Variants in FMN2 observed in about 807,000 individuals in gnomAD.
The protein encoded by FMN2 is formin-2.
Under a neutral mutation model 142.3 loss-of-function variants are expected in FMN2, and 51 were observed. The observed-to-expected ratio is 0.36, with a 90% confidence interval of 0.29 to 0.45. FMN2 has a LOEUF of 0.45. Ranked by LOEUF, FMN2 falls within the 20% of genes least tolerant of loss-of-function variation. The probability of loss-of-function intolerance (pLI) is 1.00; values close to 1 mark genes in which losing one functional copy is unlikely to be tolerated. For synonymous variants in FMN2, 882 were observed against 869.8 expected (o/e 1.01, Z -0.25); for missense variants, 1,936 against 2,122.8 (o/e 0.91, Z 1.73).
chr1:240,305,881 C>A (rs542970580), intron 8 of FMN2, among the ~76,000 whole-genome samples: 2 of 151,718 alleles, frequency 1.3e-5, no homozygotes, highest in South Asian at 2.1e-4. Flanking sequence ...GGATATAAAC[C>A]ATTATAAGGT....
intron 6 of FMN2, among the ~76,000 whole-genome samples, chr1:240,248,458 T>TATATATATAA (rs913505236): frequency 1.5e-5 from 2 of 133,558 alleles, no homozygotes; most frequent in African/African-American, 5.6e-5. Context: ...TATATATATA[T>TATATATATAA]AACATACATG....
intron 16 of FMN2, among the ~76,000 whole-genome samples, chr1:240,442,664 G>A (rs1245854860): frequency 6.6e-6 from 1 of 152,168 alleles, no homozygotes; most frequent in South Asian, 2.1e-4. Context: ...TTTAAATCCT[G>A]TATTAATCTT....
intron 13 of FMN2, among the ~76,000 whole-genome samples, chr1:240,341,901 G>A (rs756146970): frequency 1.3e-5 from 2 of 152,176 alleles, no homozygotes; most frequent in Non-Finnish European, 2.9e-5. Flanking sequence ...GCATAGAGTT[G>A]CATGTGGGCT....
chr1:240,283,902 C>T (rs544819453), intron 7 of FMN2, among the ~76,000 whole-genome samples: 24 of 152,226 alleles, frequency 1.6e-4, no homozygotes, highest in East Asian at 3.9e-4. Flanking sequence ...GAAACTGATC[C>T]GGTCAGTGAG....
intron 1 of FMN2, among the ~76,000 whole-genome samples, chr1:240,107,775 T>TA: frequency 6.6e-6 from 1 of 152,318 alleles, no homozygotes; most frequent in East Asian, 1.9e-4. Context: ...CCCTTGATGC[T>TA]AGTCAAATTG....
intron 7 of FMN2, among the ~76,000 whole-genome samples, chr1:240,270,653 A>G (rs1023830626): frequency 4.6e-5 from 7 of 152,120 alleles, no homozygotes; most frequent in Non-Finnish European, 8.8e-5. Flanking sequence ...ACAATGAAAT[A>G]CAATTAAAAA....
intron 2 of FMN2, among the ~76,000 whole-genome samples, chr1:240,150,828 C>T (rs1663734229): frequency 6.6e-6 from 1 of 152,106 alleles, no homozygotes; most frequent in Non-Finnish European, 1.5e-5. Context: ...CTCTGAAATG[C>T]CTGCTCTTAA....
intron 6 of FMN2, among the ~76,000 whole-genome samples, chr1:240,236,691 A>G (rs1225548488): frequency 1.3e-5 from 2 of 152,160 alleles, no homozygotes; most frequent in African/African-American, 4.8e-5. Context: ...CCTCTTTTTA[A>G]CAATCACATC....
chr1:240,260,531 G>T (rs1202661554), intron 7 of FMN2, among the ~76,000 whole-genome samples: 1 of 151,826 alleles, frequency 6.6e-6, no homozygotes, highest in Non-Finnish European at 1.5e-5. Flanking sequence ...TTTCATGTTT[G>T]TTGGCCATTT....
In FMN2 at chr1:240,466,417, A is replaced by T. The variant is rs147976195; in HGVS notation, c.5061-5955A>T. On this transcript the variant is annotated intron_variant, in intron 16 of 17. Coordinates refer to ENST00000319653, the MANE Select transcript of FMN2 (RefSeq NM_020066.5). ...TTACATTTACAACTTTATTTTTGGA[A>T]AATAAATTTATTATAAAGATTTTTT... Among the ~76,000 whole-genome samples, 134 of 152,292 alleles carry T rather than the reference A, an allele frequency of 8.8e-4. 2 individuals are homozygous for T. In the Middle Eastern group the frequency reaches 0.014, roughly 15 times the overall value.
chr1:240,337,788 A>T (rs1216660819), intron 13 of FMN2, among the ~76,000 whole-genome samples: 1 of 152,226 alleles, frequency 6.6e-6, no homozygotes, highest in Non-Finnish European at 1.5e-5. Context: ...TATGGCTCAG[A>T]CATTTTAATG....
chr1:240,136,795 T>C (rs114136203), intron 2 of FMN2, among the ~76,000 whole-genome samples: 1 of 152,046 alleles, frequency 6.6e-6, no homozygotes, highest in Non-Finnish European at 1.5e-5. Flanking sequence ...GAATCTGGCC[T>C]GGTGCGGTGG....
chr1:240,432,966 C>A (rs1675227174), intron 15 of FMN2, among the ~76,000 whole-genome samples: 1 of 152,108 alleles, frequency 6.6e-6, no homozygotes, highest in Non-Finnish European at 1.5e-5. Context: ...TCTACAGATG[C>A]CAACTGGGTC....
chr1:240,335,239 C>A (rs1671518212), intron 13 of FMN2, among the ~76,000 whole-genome samples: 1 of 152,172 alleles, frequency 6.6e-6, no homozygotes, highest in South Asian at 2.1e-4. Flanking sequence ...GTTACAGTAA[C>A]CGCTGTTGAA....
At position 240,474,319 on chromosome 1, in the gene FMN2, T is replaced by A; in HGVS notation, c.*165T>A. 1 of 609,856 alleles carries A rather than the reference T, an allele frequency of 1.6e-6. No homozygotes were observed. Among genetic ancestry groups the A allele is most frequent in the Non-Finnish European group, 2.7e-6 (1 of 370,504 alleles). 37.8% of individuals were successfully genotyped at this position (609,856 alleles called of 1,614,324 possible). A position where few individuals can be genotyped will look rare whatever the true frequency, so the allele number is the denominator to read the frequency against. ...GTTCACTAATTGTTGAATTTTACTGTATATTCATATAAAAATGCAAACGTA... is the reference window on the plus strand; with the variant it reads ...GTTCACTAATTGTTGAATTTTACTGAATATTCATATAAAAATGCAAACGTA... On this transcript the variant is annotated 3_prime_UTR_variant, in exon 18 of 18. Transcript: ENST00000319653.
chr1:240,379,971 C>T (rs1387095705), intron 14 of FMN2, among the ~76,000 whole-genome samples: 1 of 151,858 alleles, frequency 6.6e-6, no homozygotes, highest in African/African-American at 2.4e-5. Context: ...AGCAGAGCAC[C>T]CAGATTCATT....
intron 15 of FMN2, among the ~76,000 whole-genome samples, chr1:240,434,001 G>A (rs1049797864): frequency 1.3e-5 from 2 of 152,140 alleles, no homozygotes; most frequent in Non-Finnish European, 2.9e-5. Flanking sequence ...CAGGTACCTC[G>A]ATTCCATTGC....
rs1011543440 is a variant in FMN2 at position 240,470,279 on chromosome 1, T to C, written c.5061-2093T>C. Among the ~76,000 whole-genome samples the C allele has an allele frequency of 8.5e-5, 13 of 152,262 alleles. No individual in the cohort carries two copies. The Middle Eastern group carries it at 0.02, about 239-fold the overall frequency. ...CAACTTAAATTTACTGGTAGCTGTTTCAGAGGGAGATGGGGATGCTGCAAT... is the reference window on the plus strand; with the variant it reads ...CAACTTAAATTTACTGGTAGCTGTTCCAGAGGGAGATGGGGATGCTGCAAT... On this transcript the variant is annotated intron_variant, in intron 16 of 17. Coordinates refer to ENST00000319653, the MANE Select transcript of FMN2 (RefSeq NM_020066.5).
At chr1:240,132,614 G>A (rs1048060310) in intron 2 of FMN2, among the ~76,000 whole-genome samples, 6 of 152,122 alleles carry the variant, frequency 3.9e-5, no homozygotes, top group African/African-American at 1.4e-4. Flanking sequence ...GGACCATGTG[G>A]TAAAGTCCTT....
Sources: gnomAD v4.1 joint callset for allele counts (sites outside exome capture counted in the v4.1 genomes callset) on GRCh38, gnomAD v4.1.1 for gene constraint, MANE v1.5 for transcripts, NCBI Gene and HGNC (gene_info 2026-07-23, HGNC 2026-07-21) for gene names.